The following XPNPEP2 variants were observed in gnomAD, a reference collection of about 807,000 sequenced individuals.
XPNPEP2 encodes xaa-Pro aminopeptidase 2.
In XPNPEP2, 64 loss-of-function variants were observed where a neutral mutation model predicts 59.8. The observed-to-expected ratio is 1.07, with a 90% CI of 0.87 to 1.32. XPNPEP2 has a LOEUF of 1.32. XPNPEP2 is among the 40% of genes most tolerant of loss of function. The pLI is 0.00. For synonymous variants in XPNPEP2, 235 were observed against 210.0 expected (o/e 1.12, Z -1.03); for missense variants, 575 against 546.8 (o/e 1.05, Z -0.51).
rs145486111 is a variant in XPNPEP2, at chrX:129,747,739, A to C, written c.623A>C (p.Gln208Pro). Reference protein sequence around the residue: ...PVPNQPIYALQEAFTGSTWQE... With the variant: ...PVPNQPIYALPEAFTGSTWQE... ...CCAAATCAACCCATTTATGCCCTGC[A>C]GGAGGCATTCACAGGTGATTCAGTA... Residue 208 changes from glutamine to proline, a missense_variant, in exon 7 of 21, where the codon CAG becomes CCG. Gln to Pro is a moderately conservative substitution (Grantham distance 76, BLOSUM62 -1). Transcript: ENST00000371106. 4.0e-5 allele frequency: 48 copies of C among 1,210,659 alleles called. No individual in the cohort carries two copies. Among genetic ancestry groups the C allele is most frequent in the Non-Finnish European group, 4.9e-5 (44 of 895,355 alleles).
intron 19 of XPNPEP2, among the ~76,000 whole-genome samples, chrX:129,766,128 T>G (rs1360676214): frequency 8.9e-6 from 1 of 111,923 alleles, no homozygotes; most frequent in Non-Finnish European, 1.9e-5. Context: ...ATGTGCTATA[T>G]TTGTCACACA....
intron 14 of XPNPEP2, 55 bp from the exon 15 acceptor site, chrX:129,759,125 A>ATGGCCCCAGTCCC: frequency 8.4e-7 from 1 of 1,196,349 alleles, no homozygotes; most frequent in Non-Finnish European, 1.1e-6. Flanking sequence ...CAGAAAGCAC[A>ATGGCCCCAGTCCC]TGGCCCCAGT....
intron 19 of XPNPEP2, among the ~76,000 whole-genome samples, chrX:129,767,041 T>G (rs5977148): frequency 0.021 from 2,322 of 110,119 alleles, 55 homozygotes; most frequent in African/African-American, 0.072. Flanking sequence ...TGGTGAAACC[T>G]CATCTCTACA....
At chrX:129,746,400 G>T in intron 5 of XPNPEP2, 60 bp downstream of exon 5, 3 of 1,090,925 alleles carry the variant, frequency 2.7e-6, no homozygotes, top group Non-Finnish European at 3.8e-6. Flanking sequence ...GTTCAGGAAG[G>T]TATAGGTGAG....
At chrX:129,768,242 T>G in intron 20 of XPNPEP2, 49 bp from the exon 21 acceptor site, 4 of 1,117,322 alleles carry the variant, frequency 3.6e-6, no homozygotes, top group Non-Finnish European at 4.7e-6. Flanking sequence ...AGACTTCACC[T>G]CTTGGCAGCT....
At chrX:129,745,679 C>T (rs2076202) in intron 4 of XPNPEP2, among the ~76,000 whole-genome samples, 26,075 of 110,787 alleles carry the variant, frequency 0.24, 2,315 homozygotes, top group East Asian at 0.31. Context: ...TTCACATGGC[C>T]AAATGAGACA....
chrX:129,740,276 A>T (rs898034836), intron 1 of XPNPEP2, among the ~76,000 whole-genome samples: 1 of 112,548 alleles, frequency 8.9e-6, no homozygotes, highest in African/African-American at 3.2e-5. Context: ...ATAAAATCAC[A>T]CAGGACGTTC....
At chrX:129,746,555 C>G (rs375614954) in intron 5 of XPNPEP2, 40 bp from the exon 6 acceptor site, 250 of 1,172,450 alleles carry the variant, frequency 2.1e-4, no homozygotes, top group Non-Finnish European at 2.8e-4. Flanking sequence ...GGGGCTGGCC[C>G]TGAAGGTGAC....
chrX:129,751,104 A>C (rs1001251817), intron 8 of XPNPEP2, among the ~76,000 whole-genome samples: 3,802 of 43,964 alleles, frequency 0.086, 2 homozygotes, highest in Non-Finnish European at 0.11. Flanking sequence ...CCACTCCCCC[A>C]CCCCCCCCCC....
intron 14 of XPNPEP2, among the ~76,000 whole-genome samples, chrX:129,757,259 G>T (rs1478763731): frequency 9.3e-6 from 1 of 107,375 alleles, no homozygotes; most frequent in African/African-American, 3.4e-5. Context: ...CTAAGTCCAC[G>T]TATTATTACA....
chrX:129,756,700 C>T (rs1050091688), intron 14 of XPNPEP2, 145 bp downstream of exon 14: 2 of 565,385 alleles, frequency 3.5e-6, no homozygotes, highest in Non-Finnish European at 5.7e-6. Context: ...GAACATCCTA[C>T]CCATTTTCAC....
At chrX:129,745,676 G>A (rs955364527) in intron 4 of XPNPEP2, among the ~76,000 whole-genome samples, 1 of 111,466 alleles carries the variant, frequency 9.0e-6, no homozygotes, top group African/African-American at 3.3e-5. Context: ...CACTTCACAT[G>A]GCCAAATGAG....
chrX:129,742,980 G>A (rs182857530), intron 2 of XPNPEP2, among the ~76,000 whole-genome samples: 67 of 111,979 alleles, frequency 6.0e-4, no homozygotes, highest in Admixed American at 2.7e-3. Flanking sequence ...GTGTGCAGAC[G>A]AGGAAAAGGC....
intron 3 of XPNPEP2, 53 bp from the exon 4 acceptor site, chrX:129,745,150 T>C (rs1159413913): frequency 5.8e-5 from 69 of 1,189,850 alleles, no homozygotes; most frequent in East Asian, 8.9e-5. Context: ...GGGCCTTTCA[T>C]GTGGGATCTG....
intron 15 of XPNPEP2, among the ~76,000 whole-genome samples, chrX:129,760,302 G>A (rs1424021609): frequency 4.4e-5 from 5 of 112,802 alleles, no homozygotes; most frequent in African/African-American, 1.3e-4. Context: ...GGAAGCACGT[G>A]ATGGAGCCCC....
At chrX:129,751,092 G>A (rs1351086094) in intron 8 of XPNPEP2, among the ~76,000 whole-genome samples, 3 of 62,060 alleles carry the variant, frequency 4.8e-5, no homozygotes, top group African/African-American at 1.2e-4. Flanking sequence ...TCTCAAAGAC[G>A]CCCACTCCCC....
At chrX:129,748,480 G>A (rs1226856052) in intron 7 of XPNPEP2, among the ~76,000 whole-genome samples, 1 of 112,056 alleles carries the variant, frequency 8.9e-6, no homozygotes, top group Admixed American at 9.4e-5. Flanking sequence ...TTCTGAATGA[G>A]CCAATGAACT....
chrX:129,741,678 A>C (rs770943587), intron 1 of XPNPEP2, among the ~76,000 whole-genome samples: 1 of 112,321 alleles, frequency 8.9e-6, no homozygotes, highest in East Asian at 2.8e-4. Context: ...AAGTCAACCC[A>C]ATGTATCATA....
chrX:129,758,499 G>C (rs1205964579), intron 14 of XPNPEP2, among the ~76,000 whole-genome samples: 1 of 111,609 alleles, frequency 9.0e-6, no homozygotes, highest in East Asian at 2.8e-4. Flanking sequence ...AACTGCTGCA[G>C]CTGGGAGTTG....
Sources: allele counts gnomAD v4.1 joint callset (sites outside exome capture counted in the v4.1 genomes callset), GRCh38; gene constraint gnomAD v4.1.1; transcripts MANE v1.5; gene names NCBI Gene and HGNC (gene_info 2026-07-23, HGNC 2026-07-21).